GPM6A: variants seen among roughly 807,000 people sequenced by gnomAD.
The protein encoded by GPM6A is glycoprotein M6A.
GPM6A carries 7 observed loss-of-function variants against 32.1 expected under a neutral mutation model. That is an observed-to-expected ratio of 0.22 (90% CI 0.12 to 0.41). The LOEUF (loss-of-function observed/expected upper bound fraction) is 0.41, where lower values mean the gene tolerates loss of function less well. Among genes scored for constraint, GPM6A ranks in the 10% least tolerant of loss-of-function variants. The pLI is 1.00. For synonymous variants in GPM6A, 130 were observed against 123.4 expected (o/e 1.05, Z -0.35); for missense variants, 235 against 347.2 (o/e 0.68, Z 2.57).
chr4:175,718,062 T>C (rs1482369498), intron 1 of GPM6A, among the ~76,000 whole-genome samples: 1 of 152,222 alleles, frequency 6.6e-6, no homozygotes, highest in East Asian at 1.9e-4. Context: ...GAAATTTTCT[T>C]AAAACAAAAA....
chr4:175,715,795 G>T lies in GPM6A; in HGVS notation c.38-14028C>A, dbSNP rs145687720. On this transcript the variant is annotated intron_variant, in intron 1 of 6. Coordinates refer to ENST00000393658, the MANE Select transcript of GPM6A (RefSeq NM_201591.3). The stretch of plus-strand genomic sequence containing the variant: ...GAATTTGTATTTTCTGTCCGGGCAT[G>T]GTGGCTCATACTGTAATCCCAGCAC... 1.4e-3 allele frequency among the ~76,000 whole-genome samples: 205 copies of T among 151,786 alleles called. 1 individual carries two copies. The highest frequency in any genetic ancestry group is 4.6e-3 in the African/African-American group (192 of 41,396).
intron 1 of GPM6A, among the ~76,000 whole-genome samples, chr4:175,866,514 G>T (rs1736744134): frequency 6.6e-6 from 1 of 152,030 alleles, no homozygotes; most frequent in South Asian, 2.1e-4. Context: ...TAGAATCATG[G>T]AGTATGTAGC....
At chr4:175,701,042 A>T (rs889231260) in intron 2 of GPM6A, among the ~76,000 whole-genome samples, 9 of 152,242 alleles carry the variant, frequency 5.9e-5, no homozygotes, top group Non-Finnish European at 1.0e-4. Flanking sequence ...TGTTTGAAAA[A>T]AAAGGTTGCT....
chr4:175,908,606 A>G (rs1055658388), intron 1 of GPM6A, among the ~76,000 whole-genome samples: 3 of 152,176 alleles, frequency 2.0e-5, no homozygotes, highest in African/African-American at 7.2e-5. Flanking sequence ...TGTATCATCA[A>G]AGGGGCCTTT....
chr4:175,824,740 CT>C (rs1331894574), intron 1 of GPM6A, among the ~76,000 whole-genome samples: 1 of 152,156 alleles, frequency 6.6e-6, no homozygotes, highest in Non-Finnish European at 1.5e-5. Flanking sequence ...GTGGTATCCA[CT>C]GTATGCTAGG....
intron 1 of GPM6A, among the ~76,000 whole-genome samples, chr4:175,940,873 C>T (rs1414050905): frequency 1.3e-5 from 2 of 152,212 alleles, no homozygotes; most frequent in East Asian, 3.8e-4. Context: ...TCCCAAAGTG[C>T]TGGGATTACA....
chr4:175,730,664 G>T lies in GPM6A; in HGVS notation c.38-28897C>A, dbSNP rs148425194. On this transcript the variant is annotated intron_variant, in intron 1 of 6. Coordinates refer to ENST00000393658, the MANE Select transcript of GPM6A (RefSeq NM_201591.3). ...TTTTTTTATATTTTTAGTAGAGACG[G>T]GGTTTCACCGTGTTAGCCAGGATGG... is the stretch of plus-strand genomic sequence containing the variant. Among the ~76,000 whole-genome samples the T allele has an allele frequency of 7.2e-5, 11 of 152,140 alleles. No homozygotes were observed. In the East Asian group the frequency reaches 2.1e-3, roughly 29 times the overall value.
chr4:175,757,296 T>G (rs1229741598), intron 1 of GPM6A, among the ~76,000 whole-genome samples: 1 of 152,006 alleles, frequency 6.6e-6, no homozygotes, highest in East Asian at 1.9e-4. Flanking sequence ...AGCAGGTGAA[T>G]GAATCACCTT....
intron 4 of GPM6A, among the ~76,000 whole-genome samples, chr4:175,648,718 T>C (rs148615606): frequency 7.2e-5 from 11 of 152,272 alleles, no homozygotes; most frequent in African/African-American, 2.6e-4. Flanking sequence ...CTTGGCCCCT[T>C]TTCTCCATCT....
At chr4:175,707,645 T>C (rs1362757851) in intron 1 of GPM6A, among the ~76,000 whole-genome samples, 1 of 152,194 alleles carries the variant, frequency 6.6e-6, no homozygotes, top group Non-Finnish European at 1.5e-5. Flanking sequence ...TTTCTTTTTT[T>C]TTCAATATAT....
At chr4:175,927,427 T>C (rs1285655166) in intron 1 of GPM6A, among the ~76,000 whole-genome samples, 2 of 152,370 alleles carry the variant, frequency 1.3e-5, no homozygotes, top group Admixed American at 1.3e-4. Flanking sequence ...AAGAGACGTA[T>C]GATTCCCTGA....
intron 1 of GPM6A, among the ~76,000 whole-genome samples, chr4:175,739,253 G>A (rs1306401146): frequency 6.6e-6 from 1 of 151,950 alleles, no homozygotes; most frequent in Non-Finnish European, 1.5e-5. Context: ...CTCATGTTAG[G>A]TCATTTAGTC....
intron 1 of GPM6A, among the ~76,000 whole-genome samples, chr4:175,931,614 T>A (rs1009008968): frequency 6.6e-6 from 1 of 151,542 alleles, no homozygotes; most frequent in African/African-American, 2.4e-5. Flanking sequence ...ATAAAAACTT[T>A]TCCAGATACA....
intron 6 of GPM6A, among the ~76,000 whole-genome samples, chr4:175,635,444 TCTAA>T (rs1740523700): frequency 6.6e-6 from 1 of 152,122 alleles, no homozygotes; most frequent in African/African-American, 2.4e-5. Context: ...TACCGTTGTG[TCTAA>T]CTGACTTGAA....
At chr4:175,663,084 A>T (rs940111704) in intron 3 of GPM6A, among the ~76,000 whole-genome samples, 3 of 152,222 alleles carry the variant, frequency 2.0e-5, no homozygotes, top group African/African-American at 7.2e-5. Flanking sequence ...ATTACAATGT[A>T]GGATCTCTCA....
At chr4:175,869,887 A>C (rs137870295) in intron 1 of GPM6A, among the ~76,000 whole-genome samples, 1 of 152,364 alleles carries the variant, frequency 6.6e-6, no homozygotes, top group East Asian at 1.9e-4. Flanking sequence ...TCTATGATGC[A>C]AGTACAATCA....
intron 5 of GPM6A, 86 bp from the exon 6 acceptor site, chr4:175,640,280 C>T (rs930782599): frequency 3.2e-5 from 31 of 977,974 alleles, no homozygotes; most frequent in Non-Finnish European, 2.5e-5. Flanking sequence ...ATAAACAAGA[C>T]TTTGTACATC....
chr4:175,888,558 C>A (rs1300752242), intron 1 of GPM6A, among the ~76,000 whole-genome samples: 1 of 151,968 alleles, frequency 6.6e-6, no homozygotes, highest in African/African-American at 2.4e-5. Context: ...TGCAAGGTTG[C>A]TGAATATAAG....
chr4:175,695,771 A>T (rs545979847), intron 2 of GPM6A, among the ~76,000 whole-genome samples: 1 of 152,294 alleles, frequency 6.6e-6, no homozygotes, highest in Admixed American at 6.5e-5. Context: ...GTATTTGGCA[A>T]CTTGAGAAGG....
Sources: allele counts gnomAD v4.1 joint callset (sites outside exome capture counted in the v4.1 genomes callset), GRCh38; gene constraint gnomAD v4.1.1; transcripts MANE v1.5; gene names NCBI Gene and HGNC (gene_info 2026-07-23, HGNC 2026-07-21).